Variants in SLC22A23 observed in about 807,000 individuals in gnomAD.
The protein encoded by SLC22A23 is ion transporter protein.
In SLC22A23, 26 loss-of-function variants were observed where a neutral mutation model predicts 61.0. The ratio of observed to expected loss-of-function variants is 0.43; its 90% CI spans 0.31 to 0.59. The LOEUF is 0.59. SLC22A23 is among the 20% of genes least tolerant of loss of function. SLC22A23 has a pLI of 0.11. For synonymous variants in SLC22A23, 430 were observed against 413.9 expected (o/e 1.04, Z -0.47); for missense variants, 796 against 934.7 (o/e 0.85, Z 1.94).
At chr6:3,450,775 T>A (rs1453018421) in intron 1 of SLC22A23, among the ~76,000 whole-genome samples, 1 of 152,232 alleles carries the variant, frequency 6.6e-6, no homozygotes, top group Admixed American at 6.5e-5. Context: ...CAGGTTTGTG[T>A]GTAAGGCATT....
At position 3,324,081 on chromosome 6, in the gene SLC22A23, G is replaced by T; in HGVS notation, c.914-79C>A. On this transcript the variant is annotated intron_variant, in intron 3 of 9. Coordinates refer to ENST00000406686, the MANE Select transcript of SLC22A23 (RefSeq NM_015482.2). The surrounding 1 kb of genome is among the most constrained non-coding windows in gnomAD (Gnocchi z 4.3). ...AAGTCCTGGGTGCACCTGGGCCAGT[G>T]CACTGCTTAACCCACCAACGACTGA... 6.5e-7 allele frequency: 1 copy of T among 1,537,092 alleles called. No homozygotes were observed. Among genetic ancestry groups the T allele is most frequent in the Non-Finnish European group, 8.9e-7 (1 of 1,124,024 alleles).
chr6:3,277,106 A>G (rs6920129), intron 9 of SLC22A23: 36,729 of 152,418 alleles, frequency 0.24, 8,781 homozygotes, highest in African/African-American at 0.62. Context: ...GAGTGCCGGG[A>G]AGGGGCCACC....
At chr6:3,284,967 G>A in intron 8 of SLC22A23, 112 bp downstream of exon 8, 2 of 1,551,658 alleles carry the variant, frequency 1.3e-6, no homozygotes, top group East Asian at 4.9e-5. Flanking sequence ...GTTCTTGGAG[G>A]GCAACGGGGA....
Position 3,324,086 on chromosome 6 carries a change from G to A in SLC22A23, c.914-84C>T. On this transcript the variant is annotated intron_variant, in intron 3 of 9. Coordinates refer to ENST00000406686, the MANE Select transcript of SLC22A23 (RefSeq NM_015482.2). The surrounding 1 kb of genome is among the most constrained non-coding windows in gnomAD (Gnocchi z 4.3). ...CTGGGTGCACCTGGGCCAGTGCACT[G>A]CTTAACCCACCAACGACTGAAATTG... 7.4e-6 allele frequency: 11 copies of A among 1,487,576 alleles called. No individual in the cohort carries two copies. Among genetic ancestry groups the A allele is most frequent in the Non-Finnish European group, 1.0e-5 (11 of 1,087,580 alleles). The allele number at this position is 1,487,576 out of a possible 1,614,324, so 92.1% of individuals were successfully genotyped here. A position where few individuals can be genotyped will look rare whatever the true frequency, so the allele number is the denominator to read the frequency against.
At chr6:3,438,438 G>A (rs543142117) in intron 1 of SLC22A23, 11 of 443,088 alleles carry the variant, frequency 2.5e-5, no homozygotes, top group East Asian at 7.0e-5. Flanking sequence ...GGCCCCTGGC[G>A]GGAACCAGCC....
chr6:3,400,725 C>T (rs755008939), intron 3 of SLC22A23, among the ~76,000 whole-genome samples: 4 of 152,344 alleles, frequency 2.6e-5, no homozygotes, highest in Non-Finnish European at 2.9e-5. Flanking sequence ...ATCACACGCA[C>T]GTGTGTGCAC....
intron 1 of SLC22A23, among the ~76,000 whole-genome samples, chr6:3,435,163 A>C (rs912839713): frequency 3.3e-5 from 5 of 152,172 alleles, no homozygotes; most frequent in Non-Finnish European, 5.9e-5. Context: ...CAGCTCCAGC[A>C]GGTGGCTTAG....
intron 1 of SLC22A23, among the ~76,000 whole-genome samples, chr6:3,433,086 T>G (rs917422705): frequency 5.9e-5 from 9 of 152,158 alleles, no homozygotes; most frequent in African/African-American, 1.9e-4. Context: ...CAGGTCATTC[T>G]TACAAAAAGG....
Position 3,285,017 on chromosome 6 carries a change from G to GA in SLC22A23, c.1579+61dup, listed in dbSNP as rs1306922716. 21 of 1,595,710 alleles carry GA rather than the reference G, an allele frequency of 1.3e-5. No individual in the cohort carries two copies. In the East Asian group the frequency reaches 3.0e-4, roughly 23 times the overall value. ...AAACCACAGGTCCGTGAGTCTTCGA[G>GA]AAAACACCCATTTAGATGTAATATG... On this transcript the variant is annotated intron_variant, in intron 8 of 9. Coordinates refer to ENST00000406686, the MANE Select transcript of SLC22A23 (RefSeq NM_015482.2).
At chr6:3,321,125 G>A (rs575471046) in intron 4 of SLC22A23, among the ~76,000 whole-genome samples, 122 of 152,264 alleles carry the variant, frequency 8.0e-4, no homozygotes, top group African/African-American at 2.3e-3. Flanking sequence ...CTCTGTGTCC[G>A]AGCCTCCCTT....
At chr6:3,291,709 CAG>C (rs1464017692) in intron 5 of SLC22A23, 2 of 152,194 alleles carry the variant, frequency 1.3e-5, no homozygotes, top group Non-Finnish European at 2.9e-5. Context: ...TCATGGTTAA[CAG>C]AAAACCTTGG....
At chr6:3,283,803 T>C in intron 9 of SLC22A23, 49 bp downstream of exon 9, 1 of 1,609,856 alleles carries the variant, frequency 6.2e-7, no homozygotes, top group Non-Finnish European at 8.5e-7. Flanking sequence ...GGGACTCGTC[T>C]TTGATTTCCG....
intron 3 of SLC22A23, among the ~76,000 whole-genome samples, chr6:3,363,715 G>A (rs372270911): frequency 3.9e-5 from 6 of 152,244 alleles, no homozygotes; most frequent in Non-Finnish European, 7.3e-5. Context: ...GGCTTCAACC[G>A]CTGCCACGTT....
chr6:3,347,121 T>A (rs890368897), intron 3 of SLC22A23, among the ~76,000 whole-genome samples: 1 of 152,190 alleles, frequency 6.6e-6, no homozygotes, highest in African/African-American at 2.4e-5. Context: ...CCCCAAGTCA[T>A]TAACTACCCC....
intron 3 of SLC22A23, among the ~76,000 whole-genome samples, chr6:3,346,322 G>A (rs1042938502): frequency 2.0e-5 from 3 of 151,982 alleles, no homozygotes; most frequent in Admixed American, 6.6e-5. Flanking sequence ...GCCCCTCTCC[G>A]CACAAAAGCC....
At chr6:3,347,947 C>T (rs1764536932) in intron 3 of SLC22A23, among the ~76,000 whole-genome samples, 1 of 152,176 alleles carries the variant, frequency 6.6e-6, no homozygotes, top group South Asian at 2.1e-4. Flanking sequence ...CCTGGACGCC[C>T]TCCTGTCTCT....
chr6:3,442,495 C>T (rs546167153), intron 1 of SLC22A23, among the ~76,000 whole-genome samples: 27 of 152,310 alleles, frequency 1.8e-4, no homozygotes, highest in Admixed American at 9.8e-4. Flanking sequence ...TTACTGCAGA[C>T]GCTAAAGTAT....
intron 1 of SLC22A23, among the ~76,000 whole-genome samples, chr6:3,418,503 G>C (rs1769890878): frequency 6.6e-6 from 1 of 152,196 alleles, no homozygotes; most frequent in Non-Finnish European, 1.5e-5. Flanking sequence ...TCAGTGATCA[G>C]CCCTATCCAT....
intron 3 of SLC22A23, among the ~76,000 whole-genome samples, chr6:3,341,082 G>GAC (rs1764126879): frequency 6.6e-6 from 1 of 152,154 alleles, no homozygotes; most frequent in Non-Finnish European, 1.5e-5. Flanking sequence ...GGCTCTGAAG[G>GAC]ACACACATTC....
Sources: allele counts gnomAD v4.1 joint callset (sites outside exome capture counted in the v4.1 genomes callset), GRCh38; gene constraint gnomAD v4.1.1; non-coding constraint Gnocchi (gnomAD v3.1); transcripts MANE v1.5; gene names NCBI Gene and HGNC (gene_info 2026-07-23, HGNC 2026-07-21).